Variants in ZFP64 observed in about 807,000 individuals in gnomAD.
ZFP64 encodes ZFP64 zinc finger protein, also known as zinc finger protein 64.
In ZFP64, 14 loss-of-function variants were observed where a neutral mutation model predicts 51.6. The ratio of observed to expected loss-of-function variants is 0.27; its 90% CI spans 0.18 to 0.42. ZFP64 has a LOEUF of 0.42. Among genes scored for constraint, ZFP64 ranks in the 10% least tolerant of loss-of-function variants. ZFP64 has a pLI of 1.00. For missense variants in ZFP64, 754 were observed against 906.8 expected (o/e 0.83, Z 2.16); for synonymous variants, 375 against 361.4 (o/e 1.04, Z -0.43).
intron 8 of ZFP64, among the ~76,000 whole-genome samples, chr20:52,086,066 G>T (rs760846522): frequency 1.3e-5 from 2 of 152,106 alleles, no homozygotes; most frequent in African/African-American, 2.4e-5. Flanking sequence ...ATTTTTTGAG[G>T]ATTCACTCCT....
Position 52,151,286 on chromosome 20 carries a change from A to C in ZFP64, c.*860T>G, listed in dbSNP as rs1375904139. ...GAATCATTAACATTCAGTATATTTTAATCAGATATCAATTTATTATGGAAC... is the reference window on the plus strand; with the variant it reads ...GAATCATTAACATTCAGTATATTTTCATCAGATATCAATTTATTATGGAAC... On this transcript the variant is annotated 3_prime_UTR_variant, in exon 6 of 6. Coordinates refer to ENST00000216923, the MANE Select transcript of ZFP64 (RefSeq NM_018197.3). The C allele has an allele frequency of 1.0e-6, 1 of 985,108 alleles. No homozygotes were observed. The highest frequency in any genetic ancestry group is 1.2e-6 in the Non-Finnish European group (1 of 829,760). 61.0% of individuals were successfully genotyped at this position (985,108 alleles called of 1,614,324 possible).
At chr20:52,134,001 C>T (rs971949441) in intron 5 of ZFP64, among the ~76,000 whole-genome samples, 11 of 148,068 alleles carry the variant, frequency 7.4e-5, no homozygotes, top group African/African-American at 2.8e-4. Flanking sequence ...TGCATTCCAG[C>T]CTGGGCAACA....
intron 5 of ZFP64, among the ~76,000 whole-genome samples, chr20:52,105,933 T>A (rs1978311692): frequency 6.6e-6 from 1 of 152,132 alleles, no homozygotes; most frequent in South Asian, 2.1e-4. Flanking sequence ...AAGCACGACC[T>A]CCACTCCTGG....
rs1983932605 is a variant in ZFP64 at position 52,185,934 on chromosome 20, G to A, written c.286+898C>T. Among the ~76,000 whole-genome samples the A allele has an allele frequency of 4.6e-5, 7 of 152,258 alleles. No individual in the cohort carries two copies. In the South Asian group the frequency reaches 1.5e-3, roughly 32 times the overall value. Reference sequence around the variant, plus strand: ...CTGGTTTTAGCAGTTCTTTGTATAAGAGGGATTTAGGCCTTAATCATATAT... The same window carrying A: ...CTGGTTTTAGCAGTTCTTTGTATAAAAGGGATTTAGGCCTTAATCATATAT... On this transcript the variant is annotated intron_variant, in intron 2 of 5. Coordinates refer to ENST00000216923, the MANE Select transcript of ZFP64 (RefSeq NM_018197.3).
intron 3 of ZFP64, 130 bp downstream of exon 3, chr20:52,165,734 G>T (rs1440801491): frequency 4.9e-6 from 6 of 1,226,144 alleles, no homozygotes; most frequent in East Asian, 2.4e-5. Flanking sequence ...AATGCCAGGG[G>T]GCTCTGATTT....
intron 5 of ZFP64, among the ~76,000 whole-genome samples, chr20:52,123,192 T>C (rs1269461833): frequency 6.6e-6 from 1 of 152,164 alleles, no homozygotes. Context: ...GGTTTCGCCA[T>C]GTTAGCCAGG....
intron 6 of ZFP64, chr20:52,097,486 GCT>G: frequency 6.6e-7 from 1 of 1,522,990 alleles, no homozygotes; most frequent in Non-Finnish European, 8.8e-7. Flanking sequence ...ACAGAGTTTT[GCT>G]CTGTCGCCCA....
At chr20:52,186,430 TAAC>T (rs1228686215) in intron 2 of ZFP64, among the ~76,000 whole-genome samples, 2 of 151,902 alleles carry the variant, frequency 1.3e-5, no homozygotes, top group African/African-American at 2.4e-5. Context: ...TTTTTTTTTT[TAAC>T]AACAACATGC....
intron 5 of ZFP64, chr20:52,105,070 T>C (rs1006709175): frequency 1.2e-5 from 17 of 1,397,362 alleles, no homozygotes; most frequent in Non-Finnish European, 1.6e-5. Context: ...CCCGCGCGGG[T>C]CCGGAGAACC....
chr20:52,086,559 G>C (rs1243910193), intron 8 of ZFP64, among the ~76,000 whole-genome samples: 4 of 150,542 alleles, frequency 2.7e-5, no homozygotes, highest in Non-Finnish European at 5.9e-5. Flanking sequence ...CTCACTGCAA[G>C]CTCCGCCTCC....
At chr20:52,173,995 A>G (rs570274910) in intron 2 of ZFP64, among the ~76,000 whole-genome samples, 45 of 152,296 alleles carry the variant, frequency 3.0e-4, no homozygotes, top group African/African-American at 1.1e-3. Context: ...TACTGTGATT[A>G]AATACTTATT....
chr20:52,145,247 A>T (rs1980466831), intron 5 of ZFP64, among the ~76,000 whole-genome samples: 1 of 152,398 alleles, frequency 6.6e-6, no homozygotes, highest in African/African-American at 2.4e-5. Flanking sequence ...AATAGGGCGT[A>T]GCCTATGGCT....
At chr20:52,087,367 G>A (rs140005108) in intron 8 of ZFP64, among the ~76,000 whole-genome samples, 18 of 151,988 alleles carry the variant, frequency 1.2e-4, no homozygotes, top group South Asian at 4.2e-4. Flanking sequence ...TTTTTTTCCC[G>A]TAATCTCTGG....
downstream of ZFP64, among the ~76,000 whole-genome samples, chr20:52,147,913 C>G (rs1980603525): frequency 6.6e-6 from 1 of 152,040 alleles, no homozygotes. Context: ...CCCAGCTACT[C>G]AAGAGGCTGA....
chr20:52,179,556 C>T (rs757543625), intron 2 of ZFP64, among the ~76,000 whole-genome samples: 40 of 152,312 alleles, frequency 2.6e-4, no homozygotes, highest in Admixed American at 1.0e-3. Context: ...GATTTACAGT[C>T]TAGTAAACTA....
exon 9 of ZFP64, chr20:52,084,793 A>C: frequency 6.2e-7 from 1 of 1,614,180 alleles, no homozygotes; most frequent in Non-Finnish European, 8.5e-7. Flanking sequence ...ACGTGCTGGG[A>C]GCTGCCCTCT....
rs1181375736 is a variant in ZFP64 at position 52,160,768 on chromosome 20, C to T, written c.512-394G>A. 1.3e-5 allele frequency among the ~76,000 whole-genome samples: 2 copies of T among 152,180 alleles called. No homozygotes were observed. Among genetic ancestry groups the T allele is most frequent in the African/African-American group, 4.8e-5 (2 of 41,448 alleles). On this transcript the variant is annotated intron_variant, in intron 4 of 5. Coordinates refer to ENST00000216923, the MANE Select transcript of ZFP64 (RefSeq NM_018197.3). The surrounding 1 kb of genome is among the most constrained non-coding windows in gnomAD (Gnocchi z 4.2). ...AAAATTTAGAATACCTAAGTTTCAGCAGAGTTCATGGCTCACCAGGGAAAG... is the reference window on the plus strand; with the variant it reads ...AAAATTTAGAATACCTAAGTTTCAGTAGAGTTCATGGCTCACCAGGGAAAG...
chr20:52,130,504 G>A (rs1979672702), intron 5 of ZFP64, among the ~76,000 whole-genome samples: 1 of 152,084 alleles, frequency 6.6e-6, no homozygotes, highest in Admixed American at 6.6e-5. Flanking sequence ...ATGAGCCACT[G>A]CACCCCGTCC....
chr20:52,131,037 G>C (rs1979699596), intron 5 of ZFP64, among the ~76,000 whole-genome samples: 1 of 151,918 alleles, frequency 6.6e-6, no homozygotes, highest in African/African-American at 2.4e-5. Context: ...CTGCACTCCA[G>C]CCTGGGCGAC....
Sources: allele counts gnomAD v4.1 joint callset (sites outside exome capture counted in the v4.1 genomes callset), GRCh38; gene constraint gnomAD v4.1.1; non-coding constraint Gnocchi (gnomAD v3.1); transcripts MANE v1.5; gene names NCBI Gene and HGNC (gene_info 2026-07-23, HGNC 2026-07-21).